Variants in DTNA observed in about 807,000 individuals in gnomAD.
DTNA encodes the protein dystrophin-related protein 3.
DTNA carries 43 observed loss-of-function variants against 100.7 expected under a neutral mutation model. The ratio of observed to expected loss-of-function variants is 0.43; its 90% CI spans 0.33 to 0.55. The LOEUF (loss-of-function observed/expected upper bound fraction) is 0.55. Among genes scored for constraint, DTNA ranks in the 20% least tolerant of loss-of-function variants. The pLI is 0.04. For missense variants in DTNA, 798 were observed against 953.9 expected (o/e 0.84, Z 2.15); for synonymous variants, 349 against 347.9 (o/e 1.00, Z -0.04).
At chr18:34,802,071 A>T (rs1170434967) in intron 4 of DTNA, among the ~76,000 whole-genome samples, 2 of 152,232 alleles carry the variant, frequency 1.3e-5, no homozygotes, top group African/African-American at 4.8e-5. Context: ...TGGCAGTCAG[A>T]ATTGCACATG....
intron 1 of DTNA, among the ~76,000 whole-genome samples, chr18:34,521,237 C>G (rs2042120950): frequency 6.6e-6 from 1 of 152,134 alleles, no homozygotes; most frequent in South Asian, 2.1e-4. Flanking sequence ...TTTCCCCTGA[C>G]ACTTCATAAC....
At position 34,542,027 on chromosome 18, in the gene DTNA, T is replaced by G. The variant is rs187274863; in HGVS notation, c.-2+48513T>G. Among the ~76,000 whole-genome samples, 1,242 of 151,202 alleles carry G rather than the reference T, an allele frequency of 8.2e-3. 16 individuals carry two copies. Among genetic ancestry groups the G allele is most frequent in the Non-Finnish European group, 7.9e-3 (536 of 67,714 alleles). On this transcript the variant is annotated intron_variant, in intron 1 of 19. Transcript: ENST00000283365. ...GGGGCAGTGGAGAGGCAGAGAAGAG[T>G]GGTATCATGGGAGCACACAGAAATC...
intron 2 of DTNA, among the ~76,000 whole-genome samples, chr18:34,760,748 G>A (rs7229684): frequency 0.78 from 118,700 of 152,056 alleles, 46,963 homozygotes; most frequent in East Asian, 0.96. Context: ...TCATTTTGTC[G>A]CTAGAAATAT....
intron 1 of DTNA, among the ~76,000 whole-genome samples, chr18:34,574,950 A>T (rs4636992): frequency 0.1 from 15,572 of 152,192 alleles, 1,165 homozygotes; most frequent in African/African-American, 0.2. Context: ...TTCATGAGAA[A>T]TGCCTGTTTT....
At chr18:34,538,859 C>T (rs1403401482) in intron 1 of DTNA, among the ~76,000 whole-genome samples, 1 of 151,824 alleles carries the variant, frequency 6.6e-6, no homozygotes, top group African/African-American at 2.4e-5. Context: ...TTCCTAAGAA[C>T]AAAGAGCAAA....
At chr18:34,744,209 G>C (rs2091202912) in intron 1 of DTNA, among the ~76,000 whole-genome samples, 1 of 152,160 alleles carries the variant, frequency 6.6e-6, no homozygotes, top group Non-Finnish European at 1.5e-5. Context: ...TAGTAAATGA[G>C]AGGTTTCATG....
chr18:34,716,372 G>A (rs961759505), intron 1 of DTNA, among the ~76,000 whole-genome samples: 7 of 152,118 alleles, frequency 4.6e-5, no homozygotes, highest in Non-Finnish European at 1.0e-4. Flanking sequence ...GACCAGCCTG[G>A]CCAACGTAGT....
intron 1 of DTNA, among the ~76,000 whole-genome samples, chr18:34,642,487 T>TCCTTCCTC (rs1365889164): frequency 6.6e-6 from 1 of 151,762 alleles, no homozygotes; most frequent in African/African-American, 2.4e-5. Flanking sequence ...TGGGTTGCTT[T>TCCTTCCTC]CCTTCCTTCC....
chr18:34,539,897 A>G (rs2044084120), intron 1 of DTNA, among the ~76,000 whole-genome samples: 1 of 151,908 alleles, frequency 6.6e-6, no homozygotes, highest in Non-Finnish European at 1.5e-5. Flanking sequence ...AAATTTAAGT[A>G]GACATTTTGA....
At chr18:34,801,597 G>A (rs1407087810) in intron 4 of DTNA, among the ~76,000 whole-genome samples, 5 of 149,512 alleles carry the variant, frequency 3.3e-5, no homozygotes, top group Admixed American at 6.7e-5. Flanking sequence ...TGCAATCTCC[G>A]CCTCCTGGGT....
At chr18:34,678,530 C>T (rs187149864) in intron 1 of DTNA, among the ~76,000 whole-genome samples, 2 of 152,130 alleles carry the variant, frequency 1.3e-5, no homozygotes, top group African/African-American at 4.8e-5. Flanking sequence ...CACACTTTTC[C>T]TTCATCTTAA....
At chr18:34,821,497 G>A in intron 9 of DTNA, 1 of 456,450 alleles carries the variant, frequency 2.2e-6, no homozygotes, top group Non-Finnish European at 4.4e-6. Context: ...GTGGCAGAAG[G>A]TGTTGGGCCA....
intron 1 of DTNA, among the ~76,000 whole-genome samples, chr18:34,751,523 T>G (rs532587812): frequency 8.5e-5 from 13 of 152,350 alleles, no homozygotes; most frequent in African/African-American, 3.1e-4. Context: ...TGTTAATCTC[T>G]GAAGTGTCTC....
At chr18:34,689,814 C>A (rs1004846631) in intron 1 of DTNA, among the ~76,000 whole-genome samples, 1 of 152,206 alleles carries the variant, frequency 6.6e-6, no homozygotes, top group Admixed American at 6.5e-5. Flanking sequence ...CTGGCTGGGG[C>A]TACTGCCTTT....
intron 1 of DTNA, among the ~76,000 whole-genome samples, chr18:34,661,507 C>G (rs1421354306): frequency 2.0e-5 from 3 of 152,110 alleles, no homozygotes; most frequent in Non-Finnish European, 4.4e-5. Flanking sequence ...TTCTTTTACC[C>G]CAGAGTCTAA....
chr18:34,890,020 CAG>C lies in DTNA; in HGVS notation c.*2287_*2288del. 1.6e-6 allele frequency: 2 copies of C among 1,253,076 alleles called. No homozygotes were observed. Among genetic ancestry groups the C allele is most frequent in the South Asian group, 2.3e-5 (1 of 42,554 alleles). The allele number at this position is 1,253,076 out of a possible 1,614,324, so 77.6% of individuals were successfully genotyped here. On this transcript the variant is annotated 3_prime_UTR_variant, in exon 23 of 23. Coordinates refer to ENST00000444659, the MANE Select transcript of DTNA (RefSeq NM_001386795.1). Reference sequence around the variant, plus strand: ...AATGCTGTCAGCTCAAAATCATAGCCAGGTAGTTCTTGAACTCAGAACTTAAA... The same window carrying C: ...AATGCTGTCAGCTCAAAATCATAGCCGTAGTTCTTGAACTCAGAACTTAAA...
chr18:34,693,952 A>G (rs1486764221), intron 1 of DTNA, among the ~76,000 whole-genome samples: 8 of 152,190 alleles, frequency 5.3e-5, no homozygotes, highest in Admixed American at 3.9e-4. Flanking sequence ...TAAACACCTT[A>G]TGTATTACAC....
At chr18:34,844,880 T>G (rs1603183812) in intron 13 of DTNA, among the ~76,000 whole-genome samples, 1 of 152,126 alleles carries the variant, frequency 6.6e-6, no homozygotes, top group Non-Finnish European at 1.5e-5. Context: ...TTGAGTTTCC[T>G]GGAATGCCAT....
intron 2 of DTNA, 103 bp downstream of exon 2, chr18:34,756,146 G>A: frequency 7.3e-7 from 1 of 1,360,880 alleles, no homozygotes; most frequent in Non-Finnish European, 1.0e-6. Flanking sequence ...CTTTTCCTTA[G>A]GATCCTAAGT....
Sources: gnomAD v4.1 joint callset for allele counts (sites outside exome capture counted in the v4.1 genomes callset) on GRCh38, gnomAD v4.1.1 for gene constraint, MANE v1.5 for transcripts, NCBI Gene and HGNC (gene_info 2026-07-23, HGNC 2026-07-21) for gene names.